CREBRF: variants seen among roughly 807,000 people sequenced by gnomAD.
CREBRF encodes the protein UPF0474 protein C5orf41.
CREBRF carries 5 observed loss-of-function variants against 66.1 expected under a neutral mutation model. That is an observed-to-expected ratio of 0.08 (90% CI 0.04 to 0.16). The LOEUF (loss-of-function observed/expected upper bound fraction) is 0.16, where lower values mean the gene tolerates loss of function less well. CREBRF is among the 10% of genes least tolerant of loss of function. CREBRF has a pLI of 1.00. For missense variants in CREBRF, 531 were observed against 744.9 expected, an observed-to-expected ratio of 0.71 and a Z score of 3.34; for synonymous variants, 229 against 264.4, an observed-to-expected ratio of 0.87 and a Z score of 1.30.
At chr5:173,131,232 A>AG (rs1759416054) in intron 8 of CREBRF, among the ~76,000 whole-genome samples, 1 of 152,242 alleles carries the variant, frequency 6.6e-6, no homozygotes, top group Non-Finnish European at 1.5e-5. Flanking sequence ...ACTCGTAAAA[A>AG]TCATGATTCT....
In CREBRF at chr5:173,136,718, G is replaced by A. The variant is rs1452206293; in HGVS notation, c.*2973G>A. ...GTATCACACAAACCAATCTTATAAG[G>A]GTAATGTAAAAACCCCAACAATTGT... On this transcript the variant is annotated 3_prime_UTR_variant, in exon 9 of 9. Transcript: ENST00000296953. 2.0e-5 allele frequency: 3 copies of A among 152,230 alleles called. No individual in the cohort carries two copies. Among genetic ancestry groups the A allele is most frequent in the African/African-American group, 7.3e-5 (3 of 41,342 alleles). 9.4% of individuals were successfully genotyped at this position (152,230 alleles called of 1,614,324 possible).
rs1328886568 is a variant in CREBRF at position 173,090,980 on chromosome 5, T to C, written c.801T>C (p.Cys267=). 1.9e-6 allele frequency: 3 copies of C among 1,614,106 alleles called. No individual in the cohort carries two copies. The highest frequency in any genetic ancestry group is 2.5e-6 in the Non-Finnish European group (3 of 1,179,968). The change falls in exon 4 of 9, where the codon TGT becomes TGC. Residue 267 remains cysteine, a synonymous_variant. Transcript: ENST00000296953. This position sits in a 1 kb window ranked among gnomAD's most constrained non-coding sequence, Gnocchi z 4.5. Reference sequence around the variant, plus strand: ...CAGCAAAGGAGAACACCTGCTACTGTGGTGCAGTGGCAAAGAGACAAGAGA... The same window carrying C: ...CAGCAAAGGAGAACACCTGCTACTGCGGTGCAGTGGCAAAGAGACAAGAGA... ...TDAAKENTCY[C]GAVAKRQEKK...
intron 7 of CREBRF, among the ~76,000 whole-genome samples, chr5:173,114,707 TC>T (rs1057418959): frequency 1.1e-4 from 16 of 152,234 alleles, no homozygotes; most frequent in African/African-American, 3.9e-4. Context: ...CCACCAAACT[TC>T]CTTCTATTGA....
intron 8 of CREBRF, chr5:173,124,521 C>T (rs1420421530): frequency 7.0e-6 from 1 of 142,706 alleles, no homozygotes. Context: ...GATTAGACCA[C>T]TGCACTCTAG....
chr5:173,073,061 T>C (rs1182050492), intron 1 of CREBRF, among the ~76,000 whole-genome samples: 1 of 152,256 alleles, frequency 6.6e-6, no homozygotes, highest in Non-Finnish European at 1.5e-5. Context: ...TCTGCAGTGA[T>C]GGAATGTGAA....
rs537024936 is a variant in CREBRF, at chr5:173,128,052, T to C, written c.1804+4850T>C. 3.9e-4 allele frequency among the ~76,000 whole-genome samples: 59 copies of C among 152,268 alleles called. 1 individual carries two copies. In the South Asian group the frequency reaches 0.012, roughly 30 times the overall value. On this transcript the variant is annotated intron_variant, in intron 8 of 8. Coordinates refer to ENST00000296953, the MANE Select transcript of CREBRF (RefSeq NM_153607.3). The stretch of plus-strand genomic sequence containing the variant: ...TACCAATTCTAATTTCTTGAGTTGT[T>C]AGATGCTTAATTTTTTTCTTTTTAT...
rs979187810 is a variant in CREBRF at position 173,138,091 on chromosome 5, C to T, written c.*4346C>T. The T allele has an allele frequency of 1.3e-5, 2 of 152,272 alleles. No homozygotes were observed. The highest frequency in any genetic ancestry group is 2.9e-5 in the Non-Finnish European group (2 of 68,000). 9.4% of individuals were successfully genotyped at this position (152,272 alleles called of 1,614,324 possible). A position where few individuals can be genotyped will look rare whatever the true frequency, so the allele number is the denominator to read the frequency against. ...TCCCATGGAACTGAGGCCATTTCCA[C>T]AACTTTGCACAGAACTGCAGTCTTG... On this transcript the variant is annotated 3_prime_UTR_variant, in exon 9 of 9. Coordinates refer to ENST00000296953, the MANE Select transcript of CREBRF (RefSeq NM_153607.3).
chr5:173,118,705 A>C (rs1329886043), intron 7 of CREBRF, among the ~76,000 whole-genome samples: 1 of 149,638 alleles, frequency 6.7e-6, no homozygotes, highest in Admixed American at 6.7e-5. Context: ...TGATACATTT[A>C]TCTTCCTTTA....
intron 2 of CREBRF, among the ~76,000 whole-genome samples, chr5:173,082,441 G>GA (rs199794523): frequency 8.0e-5 from 12 of 149,124 alleles, no homozygotes; most frequent in Non-Finnish European, 1.2e-4. Flanking sequence ...ATAAGAGAAA[G>GA]AAAAAAAAAT....
At position 173,118,306 on chromosome 5, in the gene CREBRF, G is replaced by A. The variant is rs370628418; in HGVS notation, c.1682-4774G>A. ...TGGGATTACAGGCATGAGCCACCAT[G>A]CCTGGCCCTCACTGGCATCTTTCAA... On this transcript the variant is annotated intron_variant, in intron 7 of 8. Transcript: ENST00000296953. 9.2e-5 allele frequency among the ~76,000 whole-genome samples: 14 copies of A among 152,286 alleles called. No individual in the cohort carries two copies. In the East Asian group the frequency reaches 2.7e-3, roughly 29 times the overall value.
chr5:173,130,750 C>T (rs1032639682), intron 8 of CREBRF, among the ~76,000 whole-genome samples: 5 of 152,056 alleles, frequency 3.3e-5, no homozygotes, highest in African/African-American at 1.2e-4. Context: ...CACTCTGTCT[C>T]CCAGGCTGGA....
At chr5:173,110,037 T>C (rs1198017450) in intron 5 of CREBRF, 1 of 213,266 alleles carries the variant, frequency 4.7e-6, no homozygotes, top group East Asian at 1.1e-4. Flanking sequence ...AACAAGGTTA[T>C]GCTTACTTGT....
rs146917271 is a variant in CREBRF at position 173,110,655 on chromosome 5, G to A, written c.1551G>A (p.Glu517=). The A allele has an allele frequency of 3.1e-5, 50 of 1,614,082 alleles. 1 individual carries two copies. In the African/African-American group the frequency reaches 6.1e-4, roughly 20 times the overall value. ...KVISDLTPVS[E]LPLTARPRSR... ...TTAGTGACCTGACTCCAGTCAGTGA[G>A]CTTCCCTTAACAGCCCGACCAAGGT... The change falls in exon 6 of 9, where the codon GAG becomes GAA. Residue 517 remains glutamate, a synonymous_variant. Transcript: ENST00000296953.
intron 1 of CREBRF, among the ~76,000 whole-genome samples, chr5:173,065,571 C>G (rs1358275604): frequency 6.6e-6 from 1 of 151,902 alleles, no homozygotes; most frequent in African/African-American, 2.4e-5. Flanking sequence ...CTCTATTTGT[C>G]TCTTGCGTTT....
chr5:173,129,106 CTTTTTTTTTTTT>C (rs70984946), intron 8 of CREBRF, among the ~76,000 whole-genome samples: 43 of 53,748 alleles, frequency 8.0e-4, no homozygotes, highest in African/African-American at 2.8e-3. Context: ...TTAGTTACAT[CTTTTTTTTTTTT>C]TTTTTTTTTT....
At chr5:173,089,783 A>G (rs1186191221) in intron 3 of CREBRF, among the ~76,000 whole-genome samples, 2 of 151,950 alleles carry the variant, frequency 1.3e-5, no homozygotes, top group African/African-American at 4.8e-5. Flanking sequence ...TTGAATTCCA[A>G]CTCTCTTTGG....
chr5:173,109,160 G>A (rs897061300), intron 5 of CREBRF: 6 of 198,838 alleles, frequency 3.0e-5, no homozygotes, highest in Admixed American at 1.2e-4. Flanking sequence ...GAAAGTGAAC[G>A]GGCTCTCTTG....
In CREBRF at chr5:173,069,030, C is replaced by T. The variant is rs576485281; in HGVS notation, c.-191-11555C>T. 1.9e-4 allele frequency among the ~76,000 whole-genome samples: 29 copies of T among 151,684 alleles called. 2 individuals are homozygous for T. The South Asian group carries it at 6.3e-3, about 33-fold the overall frequency. On this transcript the variant is annotated intron_variant, in intron 1 of 8. Transcript: ENST00000296953. ...GAGGTTGCAGTGAGCTGAGATCACGCCACTGCACTCCAGCCTGGGCGACAG... is the reference window on the plus strand; with the variant it reads ...GAGGTTGCAGTGAGCTGAGATCACGTCACTGCACTCCAGCCTGGGCGACAG...
At chr5:173,129,851 G>C (rs1290326408) in intron 8 of CREBRF, among the ~76,000 whole-genome samples, 1 of 151,846 alleles carries the variant, frequency 6.6e-6, no homozygotes, top group African/African-American at 2.4e-5. Flanking sequence ...TTTTGAGACA[G>C]AGTCTCGCTC....
Sources: allele counts gnomAD v4.1 joint callset (sites outside exome capture counted in the v4.1 genomes callset), GRCh38; gene constraint gnomAD v4.1.1; non-coding constraint Gnocchi (gnomAD v3.1); transcripts MANE v1.5; gene names NCBI Gene and HGNC (gene_info 2026-07-23, HGNC 2026-07-21).